DRC8: variants seen among roughly 807,000 people sequenced by gnomAD.
DRC8 encodes the protein dynein regulatory complex subunit 8, also known as dynein regulatory complex protein 8.
the DRC8 span, among the ~76,000 whole-genome samples, chr1:244,973,966 A>T: frequency 6.6e-6 from 1 of 152,104 alleles, no homozygotes; most frequent in Admixed American, 6.6e-5. Context: ...AGTATAATTT[A>T]TTTTTTCATA....
chr1:245,099,041 T>C, the DRC8 span, among the ~76,000 whole-genome samples: 1,996 of 152,212 alleles, frequency 0.013, 51 homozygotes, highest in African/African-American at 0.044. Flanking sequence ...CGTTTCATTT[T>C]TTCTAAATCA....
the DRC8 span, among the ~76,000 whole-genome samples, chr1:244,989,511 A>C: frequency 2.3e-4 from 35 of 152,322 alleles, no homozygotes; most frequent in African/African-American, 8.2e-4. Context: ...GAGGGAGACC[A>C]CAGAGTTAAA....
the DRC8 span, among the ~76,000 whole-genome samples, chr1:245,061,393 C>G: frequency 6.6e-6 from 1 of 152,116 alleles, no homozygotes; most frequent in South Asian, 2.1e-4. Context: ...TTTATTTTTA[C>G]CCTTTTTTAG....
the DRC8 span, among the ~76,000 whole-genome samples, chr1:244,980,535 A>G: frequency 1.7e-4 from 26 of 152,178 alleles, no homozygotes; most frequent in African/African-American, 5.6e-4. Flanking sequence ...AACCAAAGTA[A>G]TGGAAGTCAG....
the DRC8 span, among the ~76,000 whole-genome samples, chr1:245,067,725 T>C: frequency 3.3e-5 from 5 of 152,230 alleles, no homozygotes. Flanking sequence ...AGCCTGTGCC[T>C]GGACTCTATC....
At chr1:244,970,471 G>T in the DRC8 span, 1 of 1,523,124 alleles carries the variant, frequency 6.6e-7, no homozygotes, top group Admixed American at 2.0e-5. Flanking sequence ...GGGAGCCGCT[G>T]CCCTCGCCGC....
At chr1:245,124,157 C>A in the DRC8 span, 1 of 197,626 alleles carries the variant, frequency 5.1e-6, no homozygotes. Context: ...CCACCAGCTC[C>A]TCCATGTGGC....
At chr1:245,076,852 G>A in the DRC8 span, among the ~76,000 whole-genome samples, 1 of 151,910 alleles carries the variant, frequency 6.6e-6, no homozygotes, top group African/African-American at 2.4e-5. Flanking sequence ...TCAGCCTCCC[G>A]AGTAGCTGGG....
chr1:245,047,260 G>A, the DRC8 span, among the ~76,000 whole-genome samples: 1 of 152,152 alleles, frequency 6.6e-6, no homozygotes, highest in Non-Finnish European at 1.5e-5. Flanking sequence ...TAACATAAAT[G>A]TCAATTAACA....
the DRC8 span, among the ~76,000 whole-genome samples, chr1:244,982,355 G>A: frequency 4.6e-5 from 7 of 152,148 alleles, no homozygotes; most frequent in Non-Finnish European, 1.0e-4. Flanking sequence ...GGAATTTAAA[G>A]AACTGTGATT....
the DRC8 span, among the ~76,000 whole-genome samples, chr1:245,088,528 G>T: frequency 2.1e-4 from 32 of 152,358 alleles, no homozygotes; most frequent in African/African-American, 7.5e-4. This position sits in a 1 kb window ranked among gnomAD's most constrained non-coding sequence, Gnocchi z 4.6. Flanking sequence ...ACCATGAGAT[G>T]ATGTGCTGGG....
At chr1:245,118,699 G>A in the DRC8 span, among the ~76,000 whole-genome samples, 1 of 152,000 alleles carries the variant, frequency 6.6e-6, no homozygotes, top group South Asian at 2.1e-4. Context: ...GCTGAGGCAG[G>A]AGAATCGCTT....
chr1:245,088,315 G>GAACACAC, the DRC8 span, among the ~76,000 whole-genome samples: 1 of 145,488 alleles, frequency 6.9e-6, no homozygotes, highest in African/African-American at 2.6e-5. The surrounding 1 kb of genome is among the most constrained non-coding windows in gnomAD (Gnocchi z 4.6). Context: ...GTTATAACAA[G>GAACACAC]ACACACACAC....
At chr1:245,062,927 C>T in the DRC8 span, among the ~76,000 whole-genome samples, 2 of 152,204 alleles carry the variant, frequency 1.3e-5, no homozygotes. Context: ...TGTAGGAGAG[C>T]TGGCTAGCAA....
At chr1:245,083,849 G>C in the DRC8 span, 1 of 973,580 alleles carries the variant, frequency 1.0e-6, no homozygotes, top group Non-Finnish European at 1.4e-6. Flanking sequence ...CTGTTCTGTG[G>C]GGGTTAAGAG....
chr1:245,090,543 A>AAGTT, the DRC8 span, among the ~76,000 whole-genome samples: 1 of 152,194 alleles, frequency 6.6e-6, no homozygotes, highest in Non-Finnish European at 1.5e-5. Context: ...AGGTGCTATT[A>AAGTT]AGTTATCCCC....
At chr1:245,013,520 C>A in the DRC8 span, among the ~76,000 whole-genome samples, 14 of 152,066 alleles carry the variant, frequency 9.2e-5, no homozygotes, top group South Asian at 2.5e-3. Flanking sequence ...GTGAATTGGG[C>A]AGGATTGTTC....
chr1:244,998,696 T>C, the DRC8 span, among the ~76,000 whole-genome samples: 3 of 152,196 alleles, frequency 2.0e-5, no homozygotes, highest in Admixed American at 6.5e-5. Flanking sequence ...GAGAACCAGC[T>C]TGGAAAATGG....
At chr1:245,099,102 G>C in the DRC8 span, among the ~76,000 whole-genome samples, 1 of 152,110 alleles carries the variant, frequency 6.6e-6, no homozygotes, top group Admixed American at 6.6e-5. Context: ...GAGGCCTGGG[G>C]GTTTATGTGG....
Sources: allele counts gnomAD v4.1 joint callset (sites outside exome capture counted in the v4.1 genomes callset), GRCh38; gene constraint gnomAD v4.1.1; non-coding constraint Gnocchi (gnomAD v3.1); transcripts MANE v1.5; gene names NCBI Gene and HGNC (gene_info 2026-07-23, HGNC 2026-07-21).